The following LRP1 variants were observed in gnomAD, a reference collection of about 807,000 sequenced individuals.
The protein encoded by LRP1 is prolow-density lipoprotein receptor-related protein 1.
A neutral mutation model predicts 541.5 loss-of-function variants in LRP1; 51 were observed. That is an observed-to-expected ratio of 0.09 (90% CI 0.08 to 0.12). LRP1 has a LOEUF of 0.12. Among genes scored for constraint, LRP1 ranks in the 10% least tolerant of loss-of-function variants. The pLI, the probability that LRP1 is intolerant of heterozygous loss-of-function variation, is 1.00. For synonymous variants in LRP1, 2,219 were observed against 2,470.8 expected, an observed-to-expected ratio of 0.90 and a Z score of 3.02; for missense variants, 3,878 against 6,376.2, an observed-to-expected ratio of 0.61 and a Z score of 13.34.
In LRP1 at chr12:57,138,439, C is replaced by T. The variant is rs772905883; in HGVS notation, c.68-20C>T. 3.1e-5 allele frequency: 50 copies of T among 1,612,536 alleles called. No homozygotes were observed. The highest frequency in any genetic ancestry group is 4.1e-5 in the Non-Finnish European group (48 of 1,179,128). ...GGCCTCCATCCTTCATTTATATCCCCTTTTCTTTCCTTGCCCTAGCCCCTA... is the reference window on the plus strand; with the variant it reads ...GGCCTCCATCCTTCATTTATATCCCTTTTTCTTTCCTTGCCCTAGCCCCTA... On this transcript the variant is annotated intron_variant, in intron 1 of 88. Transcript: ENST00000243077.
chr12:57,129,448 G>T (rs2034992554), intron 1 of LRP1, among the ~76,000 whole-genome samples: 1 of 152,166 alleles, frequency 6.6e-6, no homozygotes, highest in African/African-American at 2.4e-5. Flanking sequence ...GGTGGGGGGG[G>T]TGGCTTTTGC....
intron 1 of LRP1, among the ~76,000 whole-genome samples, chr12:57,135,927 C>T (rs1410480590): frequency 6.6e-6 from 1 of 152,126 alleles, no homozygotes; most frequent in Non-Finnish European, 1.5e-5. Flanking sequence ...CCGGTGACCT[C>T]AGGCCGTGGC....
At chr12:57,208,863 G>A in intron 78 of LRP1, 46 bp downstream of exon 78, 1 of 1,465,390 alleles carries the variant, frequency 6.8e-7, no homozygotes, top group Non-Finnish European at 9.5e-7. Context: ...AGGGGGCCCG[G>A]CTCGCAGAGC....
At chr12:57,171,673 C>A (rs941415157) in intron 20 of LRP1, among the ~76,000 whole-genome samples, 1 of 152,138 alleles carries the variant, frequency 6.6e-6, no homozygotes, top group East Asian at 1.9e-4. Context: ...GGTTCAGGGG[C>A]CCCAAGAAAG....
chr12:57,153,447 C>A (rs1565721325), intron 6 of LRP1, among the ~76,000 whole-genome samples: 1 of 152,212 alleles, frequency 6.6e-6, no homozygotes, highest in Non-Finnish European at 1.5e-5. Flanking sequence ...TAAGCCCCAT[C>A]TCTTTCTGAG....
chr12:57,188,513 G>A (rs2036314443), intron 42 of LRP1, among the ~76,000 whole-genome samples: 1 of 152,094 alleles, frequency 6.6e-6, no homozygotes, highest in African/African-American at 2.4e-5. Context: ...GATGATGAAG[G>A]TCCAGTCCCC....
Position 57,198,214 on chromosome 12 carries a change from G to C in LRP1, c.9341G>C (p.Gly3114Ala). ...PDGLAVDWVG[G>A]NLYWCDKGRD... Reference sequence around the variant, plus strand: ...GGGCTGGCTGTGGACTGGGTGGGTGGCAACCTGTACTGGTGCGACAAAGGC... The same window carrying C: ...GGGCTGGCTGTGGACTGGGTGGGTGCCAACCTGTACTGGTGCGACAAAGGC... Residue 3114 changes from glycine (G) to alanine (A), a missense_variant, in exon 59 of 89, where the codon GGC (glycine) becomes GCC (alanine). Physicochemically the swap from Gly to Ala is moderately conservative, Grantham distance 60 (BLOSUM62 0). Coordinates refer to ENST00000243077, the MANE Select transcript of LRP1 (RefSeq NM_002332.3). 1 of 1,613,348 alleles carries C rather than the reference G, an allele frequency of 6.2e-7. No individual in the cohort carries two copies.
chr12:57,204,675 G>A lies in LRP1; in HGVS notation c.11120G>A (p.Arg3707His). The change falls in exon 72 of 89, where the codon CGC (arginine) becomes CAC (histidine). Residue 3707 changes from arginine (R) to histidine (H), a missense_variant. Arg to His is a conservative substitution (Grantham distance 29). This residue lies in a region of LRP1 where 871 missense variants were observed against 1,212.4 expected (regional missense o/e 0.72). Transcript: ENST00000243077. This position sits in a 1 kb window ranked among gnomAD's most constrained non-coding sequence, Gnocchi z 5.3. ...CGGCCCTTCCGTTGCAAGAATGACC[G>A]CGTCTGTCTGTGGATCGGGCGCCAA... is the stretch of plus-strand genomic sequence containing the variant. ...PNRPFRCKND[R>H]VCLWIGRQCD... The A allele has an allele frequency of 3.7e-6, 6 of 1,614,022 alleles. No individual in the cohort carries two copies. The highest frequency in any genetic ancestry group is 1.3e-5 in the African/African-American group (1 of 75,026).
At chr12:57,208,237 G>T in intron 77 of LRP1, 21 bp downstream of exon 77, 1 of 1,607,916 alleles carries the variant, frequency 6.2e-7, no homozygotes, top group South Asian at 1.1e-5. Flanking sequence ...GCCCTGGGGG[G>T]AGGCCTCTGG....
intron 22 of LRP1, among the ~76,000 whole-genome samples, chr12:57,174,275 C>T (rs988575210): frequency 6.6e-6 from 1 of 152,128 alleles, no homozygotes; most frequent in African/African-American, 2.4e-5. Context: ...CCATAGTGGT[C>T]CCCCAGACTT....
Position 57,192,898 on chromosome 12 carries a change from C to G in LRP1, c.7483C>G (p.Leu2495Val). The part of the protein sequence containing the change: ...NNGGCQDLCL[L>V]THQGHVNCSC... ...CGGTGGCTGCCAGGACCTGTGTCTG[C>G]TCACTCACCAGGGCCATGTCAACTG... Residue 2495 changes from leucine to valine, a missense_variant, in exon 45 of 89, where the codon CTC becomes GTC. Leu to Val is a conservative substitution (Grantham distance 32). Transcript: ENST00000243077. The G allele has an allele frequency of 6.2e-7, 1 of 1,614,130 alleles. No individual in the cohort carries two copies. The highest frequency in any genetic ancestry group is 8.5e-7 in the Non-Finnish European group (1 of 1,180,020).
chr12:57,187,198 C>G, intron 41 of LRP1, 69 bp from the exon 42 acceptor site: 1 of 1,504,872 alleles, frequency 6.6e-7, no homozygotes, highest in Non-Finnish European at 9.0e-7. Context: ...CCCAGGCTGT[C>G]CCCCACGGCT....
intron 15 of LRP1, among the ~76,000 whole-genome samples, chr12:57,163,551 C>A (rs1022894315): frequency 6.6e-6 from 1 of 151,244 alleles, no homozygotes; most frequent in Non-Finnish European, 1.5e-5. Context: ...TGCACTCCAG[C>A]CTAGGCGACA....
intron 6 of LRP1, among the ~76,000 whole-genome samples, chr12:57,150,548 A>T (rs1469062562): frequency 1.3e-5 from 2 of 152,066 alleles, no homozygotes; most frequent in Admixed American, 6.5e-5. Context: ...CCGAGTCTTG[A>T]CGAGTAGTAG....
chr12:57,185,401 G>A lies in LRP1; in HGVS notation c.6464-130G>A. On this transcript the variant is annotated intron_variant, in intron 40 of 88. Coordinates refer to ENST00000243077, the MANE Select transcript of LRP1 (RefSeq NM_002332.3). The surrounding 1 kb of genome is among the most constrained non-coding windows in gnomAD (Gnocchi z 4.9). ...GACAGATCTTGGCATTGGACTCTGG[G>A]CCCTGGAGGGTCATTCAAGCTGGGA... is the stretch of plus-strand genomic sequence containing the variant. 7.5e-7 allele frequency: 1 copy of A among 1,339,738 alleles called. No individual in the cohort carries two copies. Among genetic ancestry groups the A allele is most frequent in the East Asian group, 2.5e-5 (1 of 40,776 alleles). 83.0% of individuals were successfully genotyped at this position (1,339,738 alleles called of 1,614,324 possible).
intron 15 of LRP1, 47 bp downstream of exon 15, chr12:57,163,030 G>A (rs572961492): frequency 6.4e-7 from 1 of 1,561,880 alleles, no homozygotes; most frequent in South Asian, 1.2e-5. Context: ...ACCCCATCAG[G>A]AGGATGCCGA....
At chr12:57,132,380 C>G (rs2035055103) in intron 1 of LRP1, among the ~76,000 whole-genome samples, 1 of 152,150 alleles carries the variant, frequency 6.6e-6, no homozygotes, top group Admixed American at 6.5e-5. Context: ...GCTCCATTTT[C>G]CTCCCTCCTT....
At chr12:57,130,044 T>A (rs1471416232) in intron 1 of LRP1, among the ~76,000 whole-genome samples, 2 of 152,126 alleles carry the variant, frequency 1.3e-5, no homozygotes, top group South Asian at 2.1e-4. Flanking sequence ...CTCTCTTCCC[T>A]TTTTTTGTCA....
At chr12:57,164,975 C>G in intron 15 of LRP1, 1 of 152,226 alleles carries the variant, frequency 6.6e-6, no homozygotes. Context: ...AGCTAAAAAC[C>G]CTTACAGATG....
Sources: gnomAD v4.1 joint callset for allele counts (sites outside exome capture counted in the v4.1 genomes callset) on GRCh38, gnomAD v4.1.1 for gene constraint, gnomAD v4.1.1 regional missense constraint, Gnocchi (gnomAD v3.1) non-coding constraint, MANE v1.5 for transcripts, NCBI Gene and HGNC (gene_info 2026-07-23, HGNC 2026-07-21) for gene names.